Variants in TJP2 observed in about 807,000 individuals in gnomAD.
TJP2 encodes tight junction protein 2.
A neutral mutation model predicts 133.1 loss-of-function variants in TJP2; 91 were observed. That is an observed-to-expected ratio of 0.68 (90% confidence interval 0.58 to 0.81). The LOEUF (loss-of-function observed/expected upper bound fraction) is 0.81, where lower values mean the gene tolerates loss of function less well. Ranked by LOEUF, TJP2 falls within the 40% of genes least tolerant of loss-of-function variation. The probability of loss-of-function intolerance (pLI) is 0.00; values close to 1 mark genes in which losing one functional copy is unlikely to be tolerated. For synonymous variants in TJP2, 592 were observed against 583.4 expected, an observed-to-expected ratio of 1.01 and a Z score of -0.21; for missense variants, 1,541 against 1,565.6, an observed-to-expected ratio of 0.98 and a Z score of 0.26.
intron 2 of TJP2, among the ~76,000 whole-genome samples, chr9:69,157,541 T>C (rs1823835097): frequency 6.6e-6 from 1 of 151,416 alleles, no homozygotes; most frequent in Non-Finnish European, 1.5e-5. Flanking sequence ...TCTTGGCTCA[T>C]TGCAACCTCC....
intron 2 of TJP2, among the ~76,000 whole-genome samples, chr9:69,216,013 C>A (rs968976295): frequency 1.3e-5 from 2 of 152,192 alleles, no homozygotes; most frequent in Non-Finnish European, 1.5e-5. Context: ...CAAAGAGGTA[C>A]AACTGGTGCT....
At chr9:69,145,411 G>C (rs1823170371) in intron 1 of TJP2, among the ~76,000 whole-genome samples, 2 of 152,356 alleles carry the variant, frequency 1.3e-5, no homozygotes, top group Admixed American at 6.5e-5. Context: ...GGATTAATTG[G>C]AGTGTACATT....
At chr9:69,145,796 C>G in intron 1 of TJP2, 1 of 1,232,044 alleles carries the variant, frequency 8.1e-7, no homozygotes, top group Middle Eastern at 3.1e-4. Context: ...GCAGAAGACA[C>G]GTGAACCTTT....
At chr9:69,154,576 G>A (rs1452868832) in intron 2 of TJP2, among the ~76,000 whole-genome samples, 1 of 150,978 alleles carries the variant, frequency 6.6e-6, no homozygotes, top group Non-Finnish European at 1.5e-5. Context: ...GATCGCTTAA[G>A]CCCAGGAGTT....
chr9:69,156,570 C>T (rs1823775619), intron 2 of TJP2, among the ~76,000 whole-genome samples: 1 of 141,038 alleles, frequency 7.1e-6, no homozygotes, highest in Admixed American at 7.4e-5. Context: ...CTCGTTCTGT[C>T]GCCCAGGCGG....
chr9:69,252,619 A>G (rs2133503801), intron 21 of TJP2, among the ~76,000 whole-genome samples, 196 bp from the exon 22 acceptor site: 3 of 152,176 alleles, frequency 2.0e-5, no homozygotes, highest in Middle Eastern at 6.8e-3. Flanking sequence ...CATTCCTTTT[A>G]AATAGTTTTC....
chr9:69,250,887 T>A, intron 20 of TJP2, 148 bp from the exon 21 acceptor site: 4 of 871,272 alleles, frequency 4.6e-6, no homozygotes, highest in Non-Finnish European at 7.5e-6. Context: ...AGTGGCTGTT[T>A]GCCCTGCTGT....
intron 1 of TJP2, among the ~76,000 whole-genome samples, chr9:69,178,884 G>A (rs1825285453): frequency 6.6e-6 from 1 of 152,150 alleles, no homozygotes; most frequent in East Asian, 1.9e-4. Context: ...CATTGCCGAA[G>A]AATGTGGACA....
intron 1 of TJP2, among the ~76,000 whole-genome samples, chr9:69,195,685 C>G (rs973613502): frequency 2.0e-5 from 3 of 152,150 alleles, no homozygotes; most frequent in African/African-American, 7.2e-5. Flanking sequence ...TTCAGGCCCC[C>G]CCTTTTCCAT....
chr9:69,216,337 A>T lies in TJP2; in HGVS notation c.115-2A>T. 2 of 1,614,194 alleles carry T rather than the reference A, an allele frequency of 1.2e-6. No homozygotes were observed. Among genetic ancestry groups the T allele is most frequent in the Non-Finnish European group, 1.7e-6 (2 of 1,180,020 alleles). On this transcript the variant is annotated splice_acceptor_variant, in intron 2 of 22. Coordinates refer to ENST00000377245, the MANE Select transcript of TJP2 (RefSeq NM_004817.4). LOFTEE classifies it high-confidence loss of function. ...TTAATATTTCTCCTCTCTGATGTACAGGATTCCAAAAGAGGATTTGGAATT... is the reference window on the plus strand; with the variant it reads ...TTAATATTTCTCCTCTCTGATGTACTGGATTCCAAAAGAGGATTTGGAATT...
rs1831161564 is a variant in TJP2 at position 69,249,373 on chromosome 9, A to G, written c.2881-2A>G. 6.2e-7 allele frequency: 1 copy of G among 1,606,324 alleles called. No individual in the cohort carries two copies. Among genetic ancestry groups the G allele is most frequent in the South Asian group, 1.1e-5 (1 of 89,556 alleles). ...TTGTGAATGAACCTTTATGTCTTGT[A>G]GAGCATAAGGAAACCCAGCCCAGAG... is the stretch of plus-strand genomic sequence containing the variant. On this transcript the variant is annotated splice_acceptor_variant, in intron 19 of 22. Transcript: ENST00000377245. LOFTEE classifies it high-confidence loss of function.
At chr9:69,229,982 C>T (rs1180651161) in intron 10 of TJP2, 100 bp from the exon 11 acceptor site, 2 of 1,451,036 alleles carry the variant, frequency 1.4e-6, no homozygotes, top group Non-Finnish European at 1.9e-6. Context: ...CTATAAATCA[C>T]TCTGTAGCTA....
upstream of TJP2, among the ~76,000 whole-genome samples, chr9:69,173,881 T>C (rs563220036): frequency 3.3e-5 from 5 of 152,202 alleles, no homozygotes; most frequent in African/African-American, 1.2e-4. Context: ...CTTGCAGCAC[T>C]TCCCAGAGCG....
At chr9:69,248,508 A>C in intron 19 of TJP2, 1 of 1,296,366 alleles carries the variant, frequency 7.7e-7, no homozygotes, top group Non-Finnish European at 9.8e-7. Context: ...CGTCTGTCCA[A>C]ATTACCAGCG....
intron 1 of TJP2, among the ~76,000 whole-genome samples, chr9:69,130,688 T>C (rs948765654): frequency 2.0e-5 from 3 of 151,932 alleles, no homozygotes; most frequent in African/African-American, 7.3e-5. Flanking sequence ...TTGGTGGAGC[T>C]GTGGAAGTGG....
chr9:69,150,323 T>G (rs1322741930), intron 1 of TJP2, among the ~76,000 whole-genome samples: 1 of 150,808 alleles, frequency 6.6e-6, no homozygotes, highest in Non-Finnish European at 1.5e-5. Context: ...GACAAGAGTT[T>G]CACTCTTGTC....
chr9:69,164,027 A>G (rs1003948373), intron 2 of TJP2, among the ~76,000 whole-genome samples: 1 of 151,796 alleles, frequency 6.6e-6, no homozygotes, highest in East Asian at 1.9e-4. Flanking sequence ...GGTGATTCCT[A>G]TCATCAGAGA....
intron 1 of TJP2, among the ~76,000 whole-genome samples, chr9:69,132,586 C>T (rs1292019458): frequency 6.6e-6 from 1 of 152,174 alleles, no homozygotes; most frequent in African/African-American, 2.4e-5. Context: ...GAAAAGAGTT[C>T]AAAGTCCTGT....
intron 1 of TJP2, among the ~76,000 whole-genome samples, chr9:69,207,824 G>T (rs1347033613): frequency 3.9e-5 from 6 of 152,170 alleles, no homozygotes; most frequent in African/African-American, 1.2e-4. Flanking sequence ...CACCCTGGCA[G>T]CCTGTGCCCA....
Sources: gnomAD v4.1 joint callset for allele counts (sites outside exome capture counted in the v4.1 genomes callset) on GRCh38, gnomAD v4.1.1 for gene constraint, MANE v1.5 for transcripts, NCBI Gene and HGNC (gene_info 2026-07-23, HGNC 2026-07-21) for gene names.